AIG1: variants seen among roughly 807,000 people sequenced by gnomAD.
The protein encoded by AIG1 is androgen-induced gene 1 protein.
A neutral mutation model predicts 31.4 loss-of-function variants in AIG1; 23 were observed. The observed-to-expected ratio is 0.73, with a 90% confidence interval of 0.53 to 1.04. The LOEUF is 1.04. Ranked by LOEUF, AIG1 falls within the 50% of genes least tolerant of loss-of-function variation. AIG1 has a pLI of 0.00. For missense variants in AIG1, 274 were observed against 295.0 expected, an observed-to-expected ratio of 0.93 and a Z score of 0.52; for synonymous variants, 100 against 110.5, an observed-to-expected ratio of 0.90 and a Z score of 0.60.
intron 3 of AIG1, among the ~76,000 whole-genome samples, chr6:143,165,863 A>G (rs1169082462): frequency 6.6e-6 from 1 of 152,144 alleles, no homozygotes; most frequent in African/African-American, 2.4e-5. Flanking sequence ...ACATTTGAGG[A>G]TATATTTTCT....
intron 3 of AIG1, among the ~76,000 whole-genome samples, chr6:143,192,771 C>A (rs1277545183): frequency 6.6e-6 from 1 of 152,104 alleles, no homozygotes; most frequent in East Asian, 1.9e-4. Context: ...AATAACTGCA[C>A]AAGTAGATGA....
intron 2 of AIG1, among the ~76,000 whole-genome samples, chr6:143,137,363 A>G (rs1051662253): frequency 1.3e-5 from 2 of 152,154 alleles, no homozygotes; most frequent in Admixed American, 6.5e-5. Context: ...TCATTCAACC[A>G]TATATAATCA....
At position 143,174,601 on chromosome 6, in the gene AIG1, A is replaced by G. The variant is rs182582475; in HGVS notation, c.399+9418A>G. On this transcript the variant is annotated intron_variant, in intron 3 of 5. Coordinates refer to ENST00000357847, the MANE Select transcript of AIG1 (RefSeq NM_016108.4). Reference sequence around the variant, plus strand: ...AAGTTTATGTGAGTCTTTGTGTGTCAGGTGAGTCTCCTGAAGACACCAGAT... The same window carrying G: ...AAGTTTATGTGAGTCTTTGTGTGTCGGGTGAGTCTCCTGAAGACACCAGAT... 6.8e-3 allele frequency among the ~76,000 whole-genome samples: 1,030 copies of G among 152,020 alleles called. 10 individuals carry two copies. Among genetic ancestry groups the G allele is most frequent in the Non-Finnish European group, 0.01 (696 of 67,998 alleles).
intron 2 of AIG1, among the ~76,000 whole-genome samples, chr6:143,137,378 T>A (rs1334130351): frequency 1.3e-5 from 2 of 152,170 alleles, no homozygotes; most frequent in African/African-American, 4.8e-5. Flanking sequence ...TAATCACCTC[T>A]TGAGAAACCC....
chr6:143,234,908 G>T (rs1461068250), intron 3 of AIG1, among the ~76,000 whole-genome samples: 1 of 152,098 alleles, frequency 6.6e-6, no homozygotes, highest in Admixed American at 6.5e-5. Context: ...AGGATGAAAT[G>T]AACTCCAATC....
chr6:143,132,240 G>A (rs1783305841), intron 1 of AIG1, among the ~76,000 whole-genome samples: 1 of 151,976 alleles, frequency 6.6e-6, no homozygotes, highest in African/African-American at 2.4e-5. Flanking sequence ...AATTGTCATT[G>A]ATCTGTATAG....
rs192559567 is a variant in AIG1, at chr6:143,176,060, A to C, written c.399+10877A>C. ...GGGGGCTTCCTGAGAATCGAACTGC[A>C]GTGATTGTTATTTATCTTCTGGATC... On this transcript the variant is annotated intron_variant, in intron 3 of 5. Coordinates refer to ENST00000357847, the MANE Select transcript of AIG1 (RefSeq NM_016108.4). Among the ~76,000 whole-genome samples, 3 of 152,266 alleles carry C rather than the reference A, an allele frequency of 2.0e-5. No homozygotes were observed. The East Asian group carries it at 5.8e-4, about 29-fold the overall frequency.
At chr6:143,305,450 A>G (rs1381554332) in intron 4 of AIG1, among the ~76,000 whole-genome samples, 3 of 152,118 alleles carry the variant, frequency 2.0e-5, no homozygotes, top group African/African-American at 2.4e-5. Flanking sequence ...GTTTCCAAGA[A>G]CATCTTTATT....
At chr6:143,252,715 G>A (rs1299804929) in intron 3 of AIG1, among the ~76,000 whole-genome samples, 2 of 152,164 alleles carry the variant, frequency 1.3e-5, no homozygotes, top group South Asian at 2.1e-4. Context: ...AAATTTAGCA[G>A]CTTAAAACAA....
At chr6:143,096,721 T>C (rs543441091) in intron 1 of AIG1, among the ~76,000 whole-genome samples, 2 of 152,330 alleles carry the variant, frequency 1.3e-5, no homozygotes, top group South Asian at 2.1e-4. Context: ...GATAAGTATA[T>C]ATTAATAATT....
intron 4 of AIG1, among the ~76,000 whole-genome samples, chr6:143,296,728 T>C (rs1171038732): frequency 3.3e-5 from 5 of 152,216 alleles, no homozygotes; most frequent in Non-Finnish European, 7.3e-5. Flanking sequence ...TTGCTTGTTA[T>C]GGGATGGAAA....
intron 3 of AIG1, among the ~76,000 whole-genome samples, chr6:143,228,458 G>T (rs1478581347): frequency 6.6e-6 from 1 of 152,202 alleles, no homozygotes; most frequent in African/African-American, 2.4e-5. Flanking sequence ...GACTGTGTGT[G>T]GGACAGGCAC....
intron 3 of AIG1, among the ~76,000 whole-genome samples, chr6:143,168,045 G>A (rs76194429): frequency 0.048 from 7,283 of 152,082 alleles, 384 homozygotes; most frequent in Admixed American, 0.16. Flanking sequence ...ATTAAAATAT[G>A]AACATTAAAT....
At chr6:143,251,983 A>C (rs774880766) in intron 3 of AIG1, among the ~76,000 whole-genome samples, 2 of 152,212 alleles carry the variant, frequency 1.3e-5, no homozygotes, top group African/African-American at 2.4e-5. Flanking sequence ...TGGAATTTTC[A>C]TGCCGCTTTG....
rs1024807647 is a variant in AIG1 at position 143,284,342 on chromosome 6, G to A, written c.515+117G>A. 1 of 690,140 alleles carries A rather than the reference G, an allele frequency of 1.4e-6. No individual in the cohort carries two copies. The highest frequency in any genetic ancestry group is 2.4e-6 in the Non-Finnish European group (1 of 410,056). The allele number at this position is 690,140 out of a possible 1,614,324, so 42.8% of individuals were successfully genotyped here. On this transcript the variant is annotated intron_variant, in intron 4 of 5. Transcript: ENST00000357847. The surrounding 1 kb of genome is among the most constrained non-coding windows in gnomAD (Gnocchi z 4.4). ...AGATTCACGCTGTGTGCCGCATTTG[G>A]TCCAAGACCTGGGCTTTGTCTCGTT...
rs553751584 is a variant in AIG1, at chr6:143,224,935, G to A, written c.400-59175G>A. Reference sequence around the variant, plus strand: ...AACCACATCTCTTAAACCATTCTCTGCCTCAAGACCCCTTAATGAGTGCCC... The same window carrying A: ...AACCACATCTCTTAAACCATTCTCTACCTCAAGACCCCTTAATGAGTGCCC... On this transcript the variant is annotated intron_variant, in intron 3 of 5. Coordinates refer to ENST00000357847, the MANE Select transcript of AIG1 (RefSeq NM_016108.4). 2.6e-5 allele frequency among the ~76,000 whole-genome samples: 4 copies of A among 152,188 alleles called. No homozygotes were observed. The South Asian group carries it at 8.3e-4, about 32-fold the overall frequency.
intron 1 of AIG1, among the ~76,000 whole-genome samples, chr6:143,134,599 A>G (rs1020479740): frequency 6.6e-6 from 1 of 152,036 alleles, no homozygotes; most frequent in South Asian, 2.1e-4. Flanking sequence ...GAGTTTCTGC[A>G]GGAAATGCCC....
intron 3 of AIG1, chr6:143,190,223 T>A (rs889800973): frequency 2.0e-6 from 2 of 985,450 alleles, no homozygotes; most frequent in Non-Finnish European, 2.4e-6. Context: ...ACAAAGAACA[T>A]CAACCATAAG....
At chr6:143,169,897 G>A (rs1446858289) in intron 3 of AIG1, among the ~76,000 whole-genome samples, 1 of 152,118 alleles carries the variant, frequency 6.6e-6, no homozygotes, top group African/African-American at 2.4e-5. Context: ...TTTATGAGAT[G>A]TATCAAATTT....
Sources: allele counts gnomAD v4.1 joint callset (sites outside exome capture counted in the v4.1 genomes callset), GRCh38; gene constraint gnomAD v4.1.1; non-coding constraint Gnocchi (gnomAD v3.1); transcripts MANE v1.5; gene names NCBI Gene and HGNC (gene_info 2026-07-23, HGNC 2026-07-21).